Variants in RUNX2 observed in about 807,000 individuals in gnomAD.
RUNX2 encodes RUNX family transcription factor 2, also known as runt-related transcription factor 2.
A neutral mutation model predicts 51.7 loss-of-function variants in RUNX2; 10 were observed. The observed-to-expected ratio is 0.19, with a 90% CI of 0.12 to 0.33. The LOEUF is 0.33. Ranked by LOEUF, RUNX2 falls within the 10% of genes least tolerant of loss-of-function variation. RUNX2 has a pLI of 1.00. For missense variants in RUNX2, 562 were observed against 691.3 expected (o/e 0.81, Z 2.10); for synonymous variants, 276 against 273.6 (o/e 1.01, Z -0.09).
At position 45,508,716 on chromosome 6, in the gene RUNX2, C is replaced by A. The variant is rs139652913; in HGVS notation, c.860-3530C>A. On this transcript the variant is annotated intron_variant, in intron 6 of 8. Transcript: ENST00000647337. ...TAATCTTGGATATTTGGAAAGGCCT[C>A]CACTAAAAGCAAAACTATCCTTTAA... is the stretch of plus-strand genomic sequence containing the variant. Among the ~76,000 whole-genome samples the A allele has an allele frequency of 2.2e-4, 33 of 152,236 alleles. 2 individuals carry two copies. The East Asian group carries it at 6.4e-3, about 29-fold the overall frequency.
chr6:45,377,544 CA>C (rs1432319215), intron 2 of RUNX2: 2 of 152,284 alleles, frequency 1.3e-5, no homozygotes, highest in Admixed American at 1.3e-4. Context: ...CCACGCTCGG[CA>C]GCGGAACCAG....
At chr6:45,422,435 A>T in intron 2 of RUNX2, 158 bp from the exon 3 acceptor site, 1 of 661,260 alleles carries the variant, frequency 1.5e-6, no homozygotes, top group Non-Finnish European at 2.7e-6. Context: ...GCCTCATCAA[A>T]CTTGATTTCT....
intron 7 of RUNX2, among the ~76,000 whole-genome samples, chr6:45,526,918 A>G (rs567239327): frequency 3.3e-5 from 5 of 152,242 alleles, no homozygotes; most frequent in Non-Finnish European, 7.3e-5. Flanking sequence ...TAATATATGT[A>G]AAGCCCTTAG....
chr6:45,536,920 T>C (rs1282747674), intron 7 of RUNX2, among the ~76,000 whole-genome samples: 4 of 152,192 alleles, frequency 2.6e-5, no homozygotes, highest in Non-Finnish European at 4.4e-5. Context: ...GTGTGTGGGG[T>C]TAATCACGAA....
chr6:45,433,490 CTT>C (rs141292854), intron 4 of RUNX2, among the ~76,000 whole-genome samples: 3 of 148,126 alleles, frequency 2.0e-5, no homozygotes, highest in African/African-American at 5.0e-5. Context: ...TGTAATAATA[CTT>C]TTTTTTTTTA....
intron 6 of RUNX2, among the ~76,000 whole-genome samples, chr6:45,507,119 GAT>G (rs2150417258): frequency 6.6e-6 from 1 of 152,126 alleles, no homozygotes; most frequent in East Asian, 1.9e-4. Flanking sequence ...AAAAGTCAAG[GAT>G]ATTTGTGTTT....
chr6:45,543,389 A>G (rs1802291717), intron 7 of RUNX2, among the ~76,000 whole-genome samples: 1 of 152,210 alleles, frequency 6.6e-6, no homozygotes, highest in African/African-American at 2.4e-5. Context: ...AAAAGAATGG[A>G]CTTGTGCAAG....
intron 6 of RUNX2, among the ~76,000 whole-genome samples, chr6:45,502,599 C>T (rs866311685): frequency 2.6e-5 from 4 of 152,144 alleles, no homozygotes; most frequent in South Asian, 2.1e-4. Flanking sequence ...GCCTCGCCCC[C>T]GTGATCAGCT....
chr6:45,422,480 C>CT, intron 2 of RUNX2, 113 bp from the exon 3 acceptor site: 1 of 430,258 alleles, frequency 2.3e-6, no homozygotes, highest in Non-Finnish European at 4.2e-6. Flanking sequence ...ATCCTCTTTC[C>CT]CCCCGTCTCG....
chr6:45,343,713 TGAA>T (rs1243970454), intron 2 of RUNX2, among the ~76,000 whole-genome samples: 1 of 152,174 alleles, frequency 6.6e-6, no homozygotes, highest in East Asian at 1.9e-4. Context: ...AAAGCCTTGA[TGAA>T]GTTTAAAAAT....
chr6:45,422,485 GTCTCGCCTTCA>G, intron 2 of RUNX2, 97 bp from the exon 3 acceptor site: 1 of 509,290 alleles, frequency 2.0e-6, no homozygotes, highest in Non-Finnish European at 2.7e-6. Context: ...CTTTCCCCCC[GTCTCGCCTTCA>G]CCCCCCCAAT....
At chr6:45,374,510 T>A (rs770289786) in intron 2 of RUNX2, among the ~76,000 whole-genome samples, 7 of 152,212 alleles carry the variant, frequency 4.6e-5, no homozygotes, top group Non-Finnish European at 8.8e-5. Context: ...AGAGCCTCAA[T>A]AAAATATTTT....
chr6:45,375,486 C>G (rs757301472), intron 2 of RUNX2, among the ~76,000 whole-genome samples: 9 of 152,150 alleles, frequency 5.9e-5, no homozygotes, highest in Non-Finnish European at 1.5e-5. Context: ...TGATTTAACT[C>G]GTGAGCTTTA....
At chr6:45,545,748 T>G (rs1056843998) in intron 8 of RUNX2, among the ~76,000 whole-genome samples, 1 of 152,172 alleles carries the variant, frequency 6.6e-6, no homozygotes, top group Non-Finnish European at 1.5e-5. Flanking sequence ...TTCTGTCAAT[T>G]CTAGAAAAAT....
chr6:45,451,867 G>A (rs903044935), intron 5 of RUNX2, among the ~76,000 whole-genome samples: 2 of 152,076 alleles, frequency 1.3e-5, no homozygotes, highest in African/African-American at 4.8e-5. Flanking sequence ...AAAATCAAAG[G>A]CATGATTTCT....
At chr6:45,398,395 G>A (rs58226171) in intron 2 of RUNX2, among the ~76,000 whole-genome samples, 2,185 of 152,276 alleles carry the variant, frequency 0.014, 59 homozygotes, top group African/African-American at 0.05. Flanking sequence ...CAAAGAGGCA[G>A]TTTAGCTGCA....
rs144345247 is a variant in RUNX2 at position 45,394,188 on chromosome 6, G to A, written c.59-28405G>A. Among the ~76,000 whole-genome samples, 806 of 152,180 alleles carry A rather than the reference G, an allele frequency of 5.3e-3. 13 individuals carry two copies. The highest frequency in any genetic ancestry group is 0.018 in the African/African-American group (741 of 41,502). ...GGCCCAAAGTGCTAGGATTACAGGC[G>A]TGAGCCACTGCGACCAGCTACCACA... On this transcript the variant is annotated intron_variant, in intron 2 of 8. Coordinates refer to ENST00000647337, the MANE Select transcript of RUNX2 (RefSeq NM_001024630.4).
chr6:45,407,392 C>T (rs1270274555), intron 2 of RUNX2, among the ~76,000 whole-genome samples: 1 of 152,188 alleles, frequency 6.6e-6, no homozygotes, highest in Non-Finnish European at 1.5e-5. Flanking sequence ...TGATGTGAGA[C>T]ACCTTCATCC....
Position 45,549,044 on chromosome 6 carries a change from T to G in RUNX2, c.*1739T>G, listed in dbSNP as rs1333422047. 5.0e-6 allele frequency: 2 copies of G among 398,078 alleles called. No individual in the cohort carries two copies. The highest frequency in any genetic ancestry group is 8.8e-6 in the Non-Finnish European group (2 of 226,092). The allele number at this position is 398,078 out of a possible 1,614,324, so 24.7% of individuals were successfully genotyped here. ...TGGAGGGCCAAGGAGGGCAAGGGGCTGTGGAGTTTGGTGTCTACTAGTGTG... is the reference window on the plus strand; with the variant it reads ...TGGAGGGCCAAGGAGGGCAAGGGGCGGTGGAGTTTGGTGTCTACTAGTGTG... On this transcript the variant is annotated 3_prime_UTR_variant, in exon 9 of 9. Coordinates refer to ENST00000647337, the MANE Select transcript of RUNX2 (RefSeq NM_001024630.4).
Sources: allele counts gnomAD v4.1 joint callset (sites outside exome capture counted in the v4.1 genomes callset), GRCh38; gene constraint gnomAD v4.1.1; transcripts MANE v1.5; gene names NCBI Gene and HGNC (gene_info 2026-07-23, HGNC 2026-07-21).